The following NBEA variants were observed in gnomAD, a reference collection of about 807,000 sequenced individuals.
NBEA encodes the protein lysosomal-trafficking regulator 2.
A neutral mutation model predicts 343.4 loss-of-function variants in NBEA; 44 were observed. That is an observed-to-expected ratio of 0.13 (90% CI 0.10 to 0.16). NBEA has a LOEUF of 0.16. NBEA is among the 10% of genes least tolerant of loss of function. The pLI, the probability that NBEA is intolerant of heterozygous loss-of-function variation, is 1.00. For synonymous variants in NBEA, 1,175 were observed against 1,238.7 expected (o/e 0.95, Z 1.08); for missense variants, 2,555 against 3,631.3 (o/e 0.70, Z 7.62).
chr13:35,444,876 G>T (rs1342634613), intron 39 of NBEA, among the ~76,000 whole-genome samples: 1 of 152,054 alleles, frequency 6.6e-6, no homozygotes, highest in African/African-American at 2.4e-5. Flanking sequence ...GAATAAAATA[G>T]TTATGGAAAA....
chr13:35,151,196 GA>G (rs1311656579), intron 18 of NBEA, among the ~76,000 whole-genome samples: 5 of 150,890 alleles, frequency 3.3e-5, no homozygotes, highest in Non-Finnish European at 5.9e-5. Flanking sequence ...ATGTTATAGT[GA>G]CCTTTGAAAC....
intron 36 of NBEA, among the ~76,000 whole-genome samples, chr13:35,345,348 C>T (rs895169759): frequency 6.6e-6 from 1 of 151,976 alleles, no homozygotes; most frequent in Non-Finnish European, 1.5e-5. Flanking sequence ...GGCATATATA[C>T]ATATGTGAGA....
chr13:35,064,744 G>A (rs1043075805), intron 8 of NBEA, among the ~76,000 whole-genome samples: 18 of 151,604 alleles, frequency 1.2e-4, no homozygotes, highest in African/African-American at 3.9e-4. Context: ...CCTTATAAAG[G>A]GGAGGAAATT....
intron 41 of NBEA, chr13:35,475,729 G>A (rs148963167): frequency 4.3e-6 from 7 of 1,613,750 alleles, no homozygotes; most frequent in Non-Finnish European, 5.9e-6. Context: ...TACCGCTTGA[G>A]CCACCAGCGT....
intron 6 of NBEA, among the ~76,000 whole-genome samples, chr13:35,053,573 A>G (rs1456116226): frequency 6.6e-6 from 1 of 152,050 alleles, no homozygotes; most frequent in Non-Finnish European, 1.5e-5. Flanking sequence ...CTCTAGTGAA[A>G]CTTCCTTGAG....
intron 41 of NBEA, among the ~76,000 whole-genome samples, chr13:35,526,126 T>G (rs767426701): frequency 1.3e-5 from 2 of 152,178 alleles, no homozygotes; most frequent in African/African-American, 4.8e-5. Context: ...TATCAAAAAG[T>G]GATTTTGTGA....
At chr13:35,454,784 C>T (rs1296838610) in intron 40 of NBEA, among the ~76,000 whole-genome samples, 3 of 151,946 alleles carry the variant, frequency 2.0e-5, no homozygotes, top group Non-Finnish European at 4.4e-5. Flanking sequence ...GGCATGAACC[C>T]GGGAGGCAGA....
chr13:34,999,149 TG>T (rs570537607), intron 1 of NBEA, among the ~76,000 whole-genome samples: 18 of 152,066 alleles, frequency 1.2e-4, no homozygotes, highest in Non-Finnish European at 2.2e-4. Context: ...CAAACAAAAT[TG>T]GGGTAAGAAT....
At chr13:35,219,092 A>G (rs532595650) in intron 33 of NBEA, among the ~76,000 whole-genome samples, 178 of 152,100 alleles carry the variant, frequency 1.2e-3, no homozygotes, top group Admixed American at 5.4e-3. Flanking sequence ...TCATAATATT[A>G]TTGTGTTATT....
intron 38 of NBEA, among the ~76,000 whole-genome samples, chr13:35,399,018 C>A (rs750058158): frequency 2.2e-4 from 34 of 152,166 alleles, no homozygotes; most frequent in African/African-American, 7.5e-4. Context: ...TAACTTGCTG[C>A]AGCTTCTACA....
chr13:35,355,515 A>G (rs995739655), intron 38 of NBEA, among the ~76,000 whole-genome samples: 2 of 152,164 alleles, frequency 1.3e-5, no homozygotes, highest in East Asian at 1.9e-4. Context: ...GGTGGCTACC[A>G]TAGTAGTTAT....
intron 1 of NBEA, among the ~76,000 whole-genome samples, chr13:34,993,326 T>A (rs2152518176): frequency 6.6e-6 from 1 of 152,360 alleles, no homozygotes; most frequent in East Asian, 1.9e-4. Context: ...TTGTAGAATT[T>A]CTCATTGTTG....
intron 37 of NBEA, among the ~76,000 whole-genome samples, chr13:35,351,430 A>C (rs1012864471): frequency 5.9e-5 from 9 of 152,052 alleles, no homozygotes; most frequent in Non-Finnish European, 8.8e-5. Flanking sequence ...TTAATACAAA[A>C]AATGATCCAT....
At chr13:34,984,470 C>T (rs1227057778) in intron 1 of NBEA, among the ~76,000 whole-genome samples, 1 of 152,074 alleles carries the variant, frequency 6.6e-6, no homozygotes, top group Non-Finnish European at 1.5e-5. Flanking sequence ...TTTGAAGTCA[C>T]TTAGTGTGAT....
At chr13:35,240,218 T>C (rs952953051) in intron 34 of NBEA, among the ~76,000 whole-genome samples, 38 of 151,916 alleles carry the variant, frequency 2.5e-4, no homozygotes, top group Admixed American at 6.6e-5. Flanking sequence ...ATTAAAAGAA[T>C]AAAGTATTTC....
chr13:35,608,445 T>C (rs980643564), intron 48 of NBEA, among the ~76,000 whole-genome samples: 1 of 152,228 alleles, frequency 6.6e-6, no homozygotes, highest in Non-Finnish European at 1.5e-5. Context: ...TTGAATGTTA[T>C]CTGTAAATAT....
At chr13:35,231,488 T>C (rs1330899119) in intron 33 of NBEA, among the ~76,000 whole-genome samples, 1 of 152,134 alleles carries the variant, frequency 6.6e-6, no homozygotes, top group Non-Finnish European at 1.5e-5. Flanking sequence ...ACTGTACATA[T>C]CGTCTGTGTA....
intron 1 of NBEA, among the ~76,000 whole-genome samples, chr13:34,985,336 T>A (rs2060507412): frequency 6.6e-6 from 1 of 151,108 alleles, no homozygotes; most frequent in African/African-American, 2.4e-5. Flanking sequence ...TGTGATGGAT[T>A]ATGTTTATTG....
chr13:35,228,440 C>T lies in NBEA; in HGVS notation c.5649-4052C>T, dbSNP rs141338729. On this transcript the variant is annotated intron_variant, in intron 33 of 58. Transcript: ENST00000379939. ...GCAATTTTGTTTTGTGGATATATTG[C>T]GTAGTTGTGAAGTCTGGGCTTTTAG... Among the ~76,000 whole-genome samples the T allele has an allele frequency of 3.5e-3, 525 of 150,624 alleles. 24 individuals carry two copies. The East Asian group carries it at 0.091, about 26-fold the overall frequency.
Sources: gnomAD v4.1 joint callset for allele counts (sites outside exome capture counted in the v4.1 genomes callset) on GRCh38, gnomAD v4.1.1 for gene constraint, MANE v1.5 for transcripts, NCBI Gene and HGNC (gene_info 2026-07-23, HGNC 2026-07-21) for gene names.